MAGI2: variants seen among roughly 807,000 people sequenced by gnomAD.
MAGI2 encodes membrane-associated guanylate kinase, WW and PDZ domain-containing protein 2.
In MAGI2, 35 loss-of-function variants were observed where a neutral mutation model predicts 133.3. The observed-to-expected ratio is 0.26, with a 90% confidence interval of 0.20 to 0.35. MAGI2 has a LOEUF of 0.35. Ranked by LOEUF, MAGI2 falls within the 10% of genes least tolerant of loss-of-function variation. MAGI2 has a pLI of 1.00. For missense variants in MAGI2, 1,636 were observed against 1,863.4 expected (o/e 0.88, Z 2.25); for synonymous variants, 729 against 710.6 (o/e 1.03, Z -0.41).
At chr7:78,946,996 C>T (rs891812609) in intron 2 of MAGI2, 1 of 152,126 alleles carries the variant, frequency 6.6e-6, no homozygotes, top group East Asian at 1.9e-4. Flanking sequence ...ATTACCTATT[C>T]AGTAGCTAAA....
At chr7:78,240,325 A>G (rs1022110231) in intron 10 of MAGI2, among the ~76,000 whole-genome samples, 1 of 151,746 alleles carries the variant, frequency 6.6e-6, no homozygotes, top group African/African-American at 2.4e-5. Context: ...ATCCTTTTTT[A>G]TGGCTGCATA....
At chr7:78,557,187 G>A (rs2150725857) in intron 3 of MAGI2, among the ~76,000 whole-genome samples, 1 of 151,654 alleles carries the variant, frequency 6.6e-6, no homozygotes. Flanking sequence ...ATAAGATTTT[G>A]GTTTCCTAAC....
At chr7:78,387,070 G>A (rs1160451459) in intron 6 of MAGI2, among the ~76,000 whole-genome samples, 2 of 152,158 alleles carry the variant, frequency 1.3e-5, no homozygotes, top group South Asian at 2.1e-4. Flanking sequence ...CTACTATAGC[G>A]ACAATAGTTT....
Position 78,079,006 on chromosome 7 carries a change from G to GA in MAGI2, c.3646dup (p.Ser1216PhefsTer21). 1 of 1,613,818 alleles carries GA rather than the reference G, an allele frequency of 6.2e-7. No homozygotes were observed. ...CAGCAGCCTCACTCGTCTTCCTCCA[G>GA]ATTTGATGAGTTCTATTGCTCTGGC... On this transcript the variant is annotated frameshift_variant, in exon 21 of 22. Coordinates refer to ENST00000354212, the MANE Select transcript of MAGI2 (RefSeq NM_012301.4). LOFTEE classifies it high-confidence loss of function.
chr7:78,509,525 ATG>A (rs1795389670), intron 4 of MAGI2: 1 of 152,178 alleles, frequency 6.6e-6, no homozygotes, highest in African/African-American at 2.4e-5. Context: ...GAATAAATGT[ATG>A]TATTTGTGCA....
Position 78,986,039 on chromosome 7 carries a change from C to A in MAGI2, c.418+21051G>T, listed in dbSNP as rs1013895873. 5.9e-5 allele frequency among the ~76,000 whole-genome samples: 9 copies of A among 152,024 alleles called. 1 individual carries two copies. Among genetic ancestry groups the A allele is most frequent in the Non-Finnish European group, 8.8e-5 (6 of 67,962 alleles). ...TTGTCACATACTATCAGTTACTGCG[C>A]TGTGTTTATAAATTCTGTGATGCAC... On this transcript the variant is annotated intron_variant, in intron 2 of 21. Coordinates refer to ENST00000354212, the MANE Select transcript of MAGI2 (RefSeq NM_012301.4).
At chr7:78,672,631 A>C (rs899225035) in intron 2 of MAGI2, among the ~76,000 whole-genome samples, 3 of 152,322 alleles carry the variant, frequency 2.0e-5, no homozygotes, top group Admixed American at 2.0e-4. Context: ...TGTTTTTAGG[A>C]AACACCCTCA....
At chr7:78,152,433 T>A (rs1449538879) in intron 16 of MAGI2, among the ~76,000 whole-genome samples, 2 of 152,212 alleles carry the variant, frequency 1.3e-5, no homozygotes, top group African/African-American at 4.8e-5. Context: ...AGGAGTGTTA[T>A]GGTCAAGGAC....
At chr7:79,320,130 T>C (rs1321364427) in intron 1 of MAGI2, among the ~76,000 whole-genome samples, 2 of 152,178 alleles carry the variant, frequency 1.3e-5, no homozygotes, top group African/African-American at 4.8e-5. Flanking sequence ...CCAGTAATTA[T>C]TTAATAAATC....
chr7:78,452,175 T>C (rs1180276232), intron 6 of MAGI2, among the ~76,000 whole-genome samples: 1 of 152,052 alleles, frequency 6.6e-6, no homozygotes, highest in Non-Finnish European at 1.5e-5. Context: ...TTATTATCCA[T>C]ACTTTAAAAT....
chr7:79,277,277 C>T (rs1203115945), intron 1 of MAGI2, among the ~76,000 whole-genome samples: 1 of 152,120 alleles, frequency 6.6e-6, no homozygotes, highest in Non-Finnish European at 1.5e-5. Flanking sequence ...TTGCTGAAGG[C>T]TTATATGATT....
At chr7:78,849,654 G>A (rs1249610547) in intron 2 of MAGI2, among the ~76,000 whole-genome samples, 5 of 152,044 alleles carry the variant, frequency 3.3e-5, no homozygotes, top group African/African-American at 4.8e-5. Flanking sequence ...AGGAAAAGGT[G>A]AAGAGATTTC....
chr7:78,636,658 C>T (rs552357195), intron 2 of MAGI2, among the ~76,000 whole-genome samples: 3 of 151,984 alleles, frequency 2.0e-5, no homozygotes, highest in Non-Finnish European at 4.4e-5. Context: ...ATTAGCTGGG[C>T]GTGGTGGCGG....
At chr7:79,149,261 G>A (rs1185448699) in intron 1 of MAGI2, among the ~76,000 whole-genome samples, 2 of 150,938 alleles carry the variant, frequency 1.3e-5, no homozygotes, top group Admixed American at 1.3e-4. Flanking sequence ...CTTACCTCTG[G>A]TTTCTATCAC....
intron 1 of MAGI2, among the ~76,000 whole-genome samples, chr7:79,274,380 G>T (rs1426620617): frequency 6.6e-6 from 1 of 151,844 alleles, no homozygotes; most frequent in East Asian, 1.9e-4. Context: ...AGAGACTAGA[G>T]GGGGCTATCC....
chr7:79,215,323 A>G (rs1384642673), intron 1 of MAGI2, among the ~76,000 whole-genome samples: 1 of 152,086 alleles, frequency 6.6e-6, no homozygotes, highest in Non-Finnish European at 1.5e-5. Context: ...ATGGCCCCGC[A>G]AAACTGTCTT....
intron 1 of MAGI2, among the ~76,000 whole-genome samples, chr7:79,433,879 T>C (rs1336020523): frequency 2.6e-5 from 4 of 152,082 alleles, no homozygotes; most frequent in Non-Finnish European, 5.9e-5. Context: ...GGAAAAAACA[T>C]ATTCTTAATA....
intron 1 of MAGI2, among the ~76,000 whole-genome samples, chr7:79,260,622 G>A (rs1834016370): frequency 6.6e-6 from 1 of 152,038 alleles, no homozygotes; most frequent in Admixed American, 6.6e-5. Context: ...TTGACATGAT[G>A]CCCCAATGGA....
At chr7:78,631,301 T>A (rs58824390) in intron 2 of MAGI2, among the ~76,000 whole-genome samples, 310 of 152,262 alleles carry the variant, frequency 2.0e-3, no homozygotes, top group African/African-American at 7.3e-3. Flanking sequence ...TCTCCAAATA[T>A]TTGGCAAGTT....
Sources: allele counts gnomAD v4.1 joint callset (sites outside exome capture counted in the v4.1 genomes callset), GRCh38; gene constraint gnomAD v4.1.1; transcripts MANE v1.5; gene names NCBI Gene and HGNC (gene_info 2026-07-23, HGNC 2026-07-21).